The following ITFG1 variants were observed in gnomAD, a reference collection of about 807,000 sequenced individuals.
ITFG1 encodes the protein integrin alpha FG-GAP repeat containing 1.
A neutral mutation model predicts 81.8 loss-of-function variants in ITFG1; 34 were observed. That is an observed-to-expected ratio of 0.42 (90% CI 0.32 to 0.55). The LOEUF (loss-of-function observed/expected upper bound fraction) is 0.55, where lower values mean the gene tolerates loss of function less well. Ranked by LOEUF, ITFG1 falls within the 20% of genes least tolerant of loss-of-function variation. ITFG1 has a pLI of 0.17. For synonymous variants in ITFG1, 285 were observed against 270.6 expected (o/e 1.05, Z -0.52); for missense variants, 672 against 755.4 (o/e 0.89, Z 1.29).
chr16:47,275,186 A>G (rs1024170881), intron 10 of ITFG1, among the ~76,000 whole-genome samples: 2 of 152,038 alleles, frequency 1.3e-5, no homozygotes, highest in Admixed American at 6.6e-5. Flanking sequence ...TGAATCTGTT[A>G]TTCTACTCTG....
At chr16:47,161,237 T>C (rs947636143) in intron 16 of ITFG1, among the ~76,000 whole-genome samples, 4 of 152,230 alleles carry the variant, frequency 2.6e-5, no homozygotes, top group African/African-American at 4.8e-5. Flanking sequence ...TGCTTGGCAC[T>C]GTGTTAAGTA....
intron 10 of ITFG1, among the ~76,000 whole-genome samples, chr16:47,283,092 G>C (rs184363428): frequency 6.6e-6 from 1 of 152,132 alleles, no homozygotes; most frequent in African/African-American, 2.4e-5. Context: ...GTTTAATTGA[G>C]TTCCATGTAT....
intron 10 of ITFG1, among the ~76,000 whole-genome samples, chr16:47,303,270 C>CA (rs556263483): frequency 0.054 from 7,846 of 145,300 alleles, 272 homozygotes; most frequent in Middle Eastern, 0.11. Context: ...GACTCCATCT[C>CA]AAAAAAAAAA....
intron 14 of ITFG1, among the ~76,000 whole-genome samples, chr16:47,180,421 C>T (rs941196556): frequency 3.3e-5 from 5 of 152,078 alleles, no homozygotes; most frequent in African/African-American, 1.2e-4. Flanking sequence ...CACGGTCTCC[C>T]TCTGATGCCG....
At chr16:47,307,886 A>G (rs1967195782) in intron 10 of ITFG1, among the ~76,000 whole-genome samples, 1 of 152,198 alleles carries the variant, frequency 6.6e-6, no homozygotes, top group African/African-American at 2.4e-5. Flanking sequence ...TATTAGTGAG[A>G]ACATGCAGTG....
At chr16:47,381,622 T>G (rs1968396915) in intron 6 of ITFG1, among the ~76,000 whole-genome samples, 2 of 152,226 alleles carry the variant, frequency 1.3e-5, no homozygotes, top group Non-Finnish European at 2.9e-5. Context: ...ATGTTTATAT[T>G]TGTTCTATAG....
intron 6 of ITFG1, among the ~76,000 whole-genome samples, chr16:47,402,672 C>A (rs1002084696): frequency 4.6e-5 from 7 of 152,218 alleles, no homozygotes; most frequent in African/African-American, 1.7e-4. Context: ...TCTATCTCAA[C>A]AGCTTTTATA....
intron 14 of ITFG1, among the ~76,000 whole-genome samples, chr16:47,216,629 T>C (rs962779622): frequency 2.0e-5 from 3 of 152,104 alleles, no homozygotes; most frequent in Non-Finnish European, 4.4e-5. Context: ...ACTTTTCTTC[T>C]ATGAAGTGAG....
intron 10 of ITFG1, among the ~76,000 whole-genome samples, chr16:47,292,521 A>G (rs567967919): frequency 6.6e-6 from 1 of 152,090 alleles, no homozygotes; most frequent in South Asian, 2.1e-4. Flanking sequence ...TCTCCCTTTT[A>G]TTTACTCATG....
intron 6 of ITFG1, among the ~76,000 whole-genome samples, chr16:47,415,282 C>T (rs965694561): frequency 1.3e-5 from 2 of 152,150 alleles, no homozygotes; most frequent in Admixed American, 1.3e-4. Flanking sequence ...AGGAATATAA[C>T]AGAGTCGACT....
At chr16:47,295,332 TA>T (rs1331469013) in intron 10 of ITFG1, among the ~76,000 whole-genome samples, 5 of 152,324 alleles carry the variant, frequency 3.3e-5, no homozygotes, top group Admixed American at 2.0e-4. Flanking sequence ...TATAATGAGT[TA>T]GGGAAGATTC....
At chr16:47,338,099 T>G (rs2151576328) in intron 8 of ITFG1, among the ~76,000 whole-genome samples, 1 of 152,304 alleles carries the variant, frequency 6.6e-6, no homozygotes, top group African/African-American at 2.4e-5. Context: ...AAAAATAGTT[T>G]GGAAAATTAC....
intron 8 of ITFG1, chr16:47,317,515 TCCAACTTTGTTAA>T (rs1967379204): frequency 6.6e-6 from 1 of 152,232 alleles, no homozygotes; most frequent in South Asian, 2.1e-4. Flanking sequence ...AGATTACCTT[TCCAACTTTGTTAA>T]CCACAATTTC....
chr16:47,243,121 T>C (rs1412545495), intron 12 of ITFG1, among the ~76,000 whole-genome samples: 1 of 152,168 alleles, frequency 6.6e-6, no homozygotes, highest in Non-Finnish European at 1.5e-5. Context: ...ATGATATATG[T>C]GAATAAGGAA....
In ITFG1 at chr16:47,333,168, G is replaced by A. The variant is rs181885952; in HGVS notation, c.803-19345C>T. On this transcript the variant is annotated intron_variant, in intron 8 of 17. Transcript: ENST00000320640. ...CCTGAATATCTACTAAGTCCTAGTA[G>A]AGGTTATTTTATATGTACTACATTA... is the stretch of plus-strand genomic sequence containing the variant. 1.7e-3 allele frequency among the ~76,000 whole-genome samples: 252 copies of A among 152,122 alleles called. 2 individuals are homozygous for A. Among genetic ancestry groups the A allele is most frequent in the African/African-American group, 5.6e-3 (233 of 41,510 alleles).
At chr16:47,376,181 A>G (rs1968321923) in intron 6 of ITFG1, among the ~76,000 whole-genome samples, 1 of 152,050 alleles carries the variant, frequency 6.6e-6, no homozygotes, top group Non-Finnish European at 1.5e-5. Flanking sequence ...TATTTCCAAG[A>G]ATAGTTATGT....
chr16:47,400,516 G>C (rs768552784), intron 6 of ITFG1, among the ~76,000 whole-genome samples: 1 of 151,206 alleles, frequency 6.6e-6, no homozygotes, highest in Non-Finnish European at 1.5e-5. Context: ...TGTGTCAGGA[G>C]TTGGAGCAAA....
chr16:47,324,700 CAG>C (rs1967504234), intron 8 of ITFG1, among the ~76,000 whole-genome samples: 1 of 152,098 alleles, frequency 6.6e-6, no homozygotes, highest in Admixed American at 6.5e-5. Flanking sequence ...TCGGATAAAA[CAG>C]ACTTTAAACC....
At chr16:47,241,925 G>A (rs1030867525) in intron 12 of ITFG1, among the ~76,000 whole-genome samples, 12 of 150,392 alleles carry the variant, frequency 8.0e-5, no homozygotes, top group African/African-American at 2.0e-4. Context: ...CTGCTCTCCA[G>A]CCTGGGTGAC....
Sources: gnomAD v4.1 joint callset for allele counts (sites outside exome capture counted in the v4.1 genomes callset) on GRCh38, gnomAD v4.1.1 for gene constraint, MANE v1.5 for transcripts, NCBI Gene and HGNC (gene_info 2026-07-23, HGNC 2026-07-21) for gene names.